Variants in CXorf65 observed in about 807,000 individuals in gnomAD.
CXorf65 encodes uncharacterized protein CXorf65.
For synonymous variants in CXorf65, 54 were observed against 51.4 expected (o/e 1.05, Z -0.21); for missense variants, 137 against 144.7 (o/e 0.95, Z 0.27).
chrX:71,104,913 C>T, intron 3 of CXorf65, 76 bp from the exon 4 acceptor site: 12 of 980,906 alleles, frequency 1.2e-5, no homozygotes, highest in Non-Finnish European at 1.6e-5. Flanking sequence ...GATTCCAGGA[C>T]CTAACACTAA....
intron 5 of CXorf65, 84 bp downstream of exon 5, chrX:71,104,209 TTCATC>T: frequency 8.9e-7 from 1 of 1,122,462 alleles, no homozygotes; most frequent in Non-Finnish European, 1.2e-6. Flanking sequence ...AGGCAGGAAA[TTCATC>T]TCAGAGGGCT....
At chrX:71,106,288 G>T in intron 2 of CXorf65, 52 bp downstream of exon 2, 1 of 1,115,167 alleles carries the variant, frequency 9.0e-7, no homozygotes, top group South Asian at 1.8e-5. Context: ...GGTTAGAGAT[G>T]ACCCAACTCC....
intron 1 of CXorf65, 33 bp from the exon 2 acceptor site, chrX:71,106,459 A>G (rs1364610361): frequency 8.4e-7 from 1 of 1,196,080 alleles, no homozygotes; most frequent in Non-Finnish European, 1.1e-6. Flanking sequence ...ACATGGGCCC[A>G]TTTCTGTGAT....
rs1413396999 is a variant in CXorf65 at position 71,104,021 on chromosome X, C to T, written c.518G>A (p.Arg173His). Residue 173 changes from arginine (R) to histidine (H), a missense_variant, in exon 6 of 6, where the codon CGC (arginine) becomes CAC (histidine). By Grantham distance (29) the Arg-to-His change is conservative. Coordinates refer to ENST00000374251, the MANE Select transcript of CXorf65 (RefSeq NM_001025265.3). ...TTGCTTGGTGGTTTTATTGAGTTGG[C>T]GACCTTTATTCTTCCTGAAGTCTGG... ...NRPDFRKNKG[R>H]QLNKTTKQKK is the part of the protein sequence containing the mutation. The T allele has an allele frequency of 8.3e-7, 1 of 1,209,067 alleles. No homozygotes were observed.
chrX:71,105,966 A>T, intron 3 of CXorf65, 34 bp downstream of exon 3: 3 of 1,193,932 alleles, frequency 2.5e-6, no homozygotes, highest in Non-Finnish European at 2.3e-6. Context: ...TGAAGGCCTT[A>T]TTCTATTTCT....
intron 3 of CXorf65, 104 bp from the exon 4 acceptor site, chrX:71,104,941 C>T (rs772003801): frequency 5.5e-5 from 40 of 725,709 alleles, no homozygotes; most frequent in East Asian, 3.4e-4. Flanking sequence ...CCGCCAGATG[C>T]GGTGGCTCAC....
Position 71,104,397 on chromosome X carries a change from C to T in CXorf65, c.327G>A (p.Leu109=), listed in dbSNP as rs779068933. Residue 109 remains leucine (L), a synonymous_variant, in exon 5 of 6, where the codon CTG becomes CTA. Coordinates refer to ENST00000374251, the MANE Select transcript of CXorf65 (RefSeq NM_001025265.3). ...KNPEPWLLVA[L]RIQCDALERR... ...TCTCCAGGGCATCACATTGTATGCG[C>T]AGTGCAACTAAGAACAAGGAAAAGG... The T allele has an allele frequency of 2.5e-5, 29 of 1,181,551 alleles. No individual in the cohort carries two copies. Among genetic ancestry groups the T allele is most frequent in the Non-Finnish European group, 3.1e-5 (27 of 875,053 alleles).
In CXorf65 at chrX:71,103,891, G is replaced by A; in HGVS notation, c.*96C>T. 1.0e-6 allele frequency: 1 copy of A among 976,205 alleles called. No homozygotes were observed. The highest frequency in any genetic ancestry group is 3.8e-4 in the Middle Eastern group (1 of 2,620). 80.5% of individuals were successfully genotyped at this position (976,205 alleles called of 1,213,427 possible). On this transcript the variant is annotated 3_prime_UTR_variant, in exon 6 of 6. Transcript: ENST00000374251. ...CCCTCAGAGCCTCCTAGGTGCCTGGGGCGTATGTACTCAAGCCTTAGTGCA... is the reference window on the plus strand; with the variant it reads ...CCCTCAGAGCCTCCTAGGTGCCTGGAGCGTATGTACTCAAGCCTTAGTGCA...
intron 2 of CXorf65, 73 bp from the exon 3 acceptor site, chrX:71,106,210 T>C (rs923916510): frequency 3.5e-6 from 4 of 1,140,952 alleles, no homozygotes; most frequent in Admixed American, 2.2e-5. Flanking sequence ...AGTGATCCTA[T>C]ACAAAATGGG....
At chrX:71,104,561 A>G in intron 4 of CXorf65, 157 bp from the exon 5 acceptor site, 1 of 501,821 alleles carries the variant, frequency 2.0e-6, no homozygotes, top group Non-Finnish European at 3.3e-6. Flanking sequence ...AAGATGGCCA[A>G]GAAATGGGGG....
At chrX:71,104,905 T>G in intron 3 of CXorf65, 68 bp from the exon 4 acceptor site, 61 of 1,016,242 alleles carry the variant, frequency 6.0e-5, no homozygotes, top group Non-Finnish European at 7.8e-5. Context: ...AAGTCCAAGA[T>G]TCCAGGACCT....
chrX:71,104,264 G>T (rs757077375), intron 5 of CXorf65, 34 bp downstream of exon 5: 7 of 1,121,090 alleles, frequency 6.2e-6, no homozygotes, highest in Admixed American at 2.2e-5. Context: ...GGGAGAGGGG[G>T]GTGCTGGGGC....
In CXorf65 at chrX:71,106,008, C is replaced by T. The variant is rs1482647064; in HGVS notation, c.242G>A (p.Gly81Glu). ...STYYVCKVER[G>E]PPGTRLENAY... ...CACTCCTGAGCCTCTACCTGGTGGC[C>T]CACGTTCCACCTTACAAACGTAGTA... is the stretch of plus-strand genomic sequence containing the variant. Residue 81 changes from glycine (G) to glutamate (E), a missense_variant, in exon 3 of 6, where the codon GGG becomes GAG. Coordinates refer to ENST00000374251, the MANE Select transcript of CXorf65 (RefSeq NM_001025265.3). 7 of 1,210,078 alleles carry T rather than the reference C, an allele frequency of 5.8e-6. No homozygotes were observed. Among genetic ancestry groups the T allele is most frequent in the East Asian group, 3.0e-5 (1 of 33,840 alleles).
chrX:71,105,974 T>G (rs1272221104), intron 3 of CXorf65, 26 bp downstream of exon 3: 1 of 1,199,489 alleles, frequency 8.3e-7, no homozygotes, highest in Admixed American at 2.3e-5. Flanking sequence ...TTATTCTATT[T>G]CTGGGGAACA....
chrX:71,106,155 G>A lies in CXorf65; in HGVS notation c.113-18C>T, dbSNP rs777278213. The A allele has an allele frequency of 1.7e-6, 2 of 1,204,577 alleles. No individual in the cohort carries two copies. The highest frequency in any genetic ancestry group is 3.5e-5 in the African/African-American group (2 of 56,838). On this transcript the variant is annotated intron_variant, in intron 2 of 5. Transcript: ENST00000374251. ...GATGGTGTCTGGAGGGAGATCACAG[G>A]GTAATTGGGGCAGCTAAGGAAAGAG...
At chrX:71,106,243 G>C in intron 2 of CXorf65, 97 bp downstream of exon 2, 1 of 1,097,975 alleles carries the variant, frequency 9.1e-7, no homozygotes, top group South Asian at 1.9e-5. Flanking sequence ...CTAAGGATAT[G>C]AGGAACTCCC....
Position 71,104,365 on chromosome X carries a change from C to A in CXorf65, c.359G>T (p.Arg120Leu), listed in dbSNP as rs1434530060. ...RIQCDALERR[R>L]IQMLKMKEAK... ...TTCTTTCATTTTAAGCATCTGAATT[C>A]GTCTCCTCTCCAGGGCATCACATTG... The change falls in exon 5 of 6, where the codon CGA (arginine) becomes CTA (leucine). Residue 120 changes from arginine to leucine, a missense_variant. By Grantham distance (102) the Arg-to-Leu change is moderately radical. Transcript: ENST00000374251. 8.3e-7 allele frequency: 1 copy of A among 1,207,110 alleles called. No homozygotes were observed.
In CXorf65 at chrX:71,104,371, C is replaced by T. The variant is rs767186591; in HGVS notation, c.353G>A (p.Arg118Lys). The T allele has an allele frequency of 3.5e-5, 42 of 1,203,159 alleles. No homozygotes were observed. The Admixed American group carries it at 8.9e-4, about 25-fold the overall frequency. ...CATTTTAAGCATCTGAATTCGTCTCCTCTCCAGGGCATCACATTGTATGCG... is the reference window on the plus strand; with the variant it reads ...CATTTTAAGCATCTGAATTCGTCTCTTCTCCAGGGCATCACATTGTATGCG... ...ALRIQCDALE[R>K]RRIQMLKMKE... The change falls in exon 5 of 6, where the codon AGG becomes AAG. Residue 118 changes from arginine to lysine, a missense_variant. Arg to Lys is a conservative substitution (Grantham distance 26). Transcript: ENST00000374251.
At chrX:71,104,932 C>T (rs375491402) in intron 3 of CXorf65, 95 bp from the exon 4 acceptor site, 13 of 816,912 alleles carry the variant, frequency 1.6e-5, no homozygotes, top group East Asian at 6.6e-5. Context: ...AAAGACTACC[C>T]GCCAGATGCG....
Sources: gnomAD v4.1 joint callset for allele counts on GRCh38, gnomAD v4.1.1 for gene constraint, MANE v1.5 for transcripts, NCBI Gene and HGNC (gene_info 2026-07-23, HGNC 2026-07-21) for gene names.